The following BEST3 variants were observed in gnomAD, a reference collection of about 807,000 sequenced individuals.
BEST3 encodes bestrophin 3.
BEST3 carries 50 observed loss-of-function variants against 47.1 expected under a neutral mutation model. The ratio of observed to expected loss-of-function variants is 1.06; its 90% CI spans 0.85 to 1.34. BEST3 has a LOEUF of 1.34. Ranked by LOEUF, BEST3 falls within the 40% of genes most tolerant of loss-of-function variation. The probability of loss-of-function intolerance (pLI) is 0.00; values close to 1 mark genes in which losing one functional copy is unlikely to be tolerated. For missense variants in BEST3, 765 were observed against 817.0 expected (o/e 0.94, Z 0.78); for synonymous variants, 282 against 298.8 (o/e 0.94, Z 0.58).
downstream of BEST3, among the ~76,000 whole-genome samples, chr12:69,648,657 A>T (rs1234659342): frequency 1.3e-5 from 2 of 152,114 alleles, no homozygotes; most frequent in East Asian, 3.9e-4. Context: ...GGAATGCCTG[A>T]CACTCAATAG....
Position 69,659,586 on chromosome 12 carries a change from C to T in BEST3, c.1101-3773G>A, listed in dbSNP as rs189822506. 9.9e-5 allele frequency among the ~76,000 whole-genome samples: 15 copies of T among 152,266 alleles called. No individual in the cohort carries two copies. In the East Asian group the frequency reaches 2.7e-3, roughly 27 times the overall value. On this transcript the variant is annotated intron_variant, in intron 9 of 9. Transcript: ENST00000330891. ...CAGGCTGGTCTTGAACTCCTGGCCT[C>T]AAGTGGTCCTCCTGTCTTGGCTTCC...
chr12:69,678,574 C>T (rs1188536809), intron 5 of BEST3, among the ~76,000 whole-genome samples, 165 bp downstream of exon 5: 1 of 152,216 alleles, frequency 6.6e-6, no homozygotes, highest in South Asian at 2.1e-4. Flanking sequence ...AACCTGTGTA[C>T]CACCTCTGTC....
chr12:69,683,954 C>T (rs1885404248), intron 4 of BEST3: 1 of 152,206 alleles, frequency 6.6e-6, no homozygotes, highest in African/African-American at 2.4e-5. Flanking sequence ...CTCATCAGGA[C>T]TTCAAGCCAT....
intron 9 of BEST3, among the ~76,000 whole-genome samples, chr12:69,644,746 T>A (rs1380832000): frequency 6.6e-6 from 1 of 152,214 alleles, no homozygotes; most frequent in Non-Finnish European, 1.5e-5. Flanking sequence ...AGCATTGGGT[T>A]TTGATTATGA....
At chr12:69,652,967 A>G (rs975801553), downstream of BEST3, among the ~76,000 whole-genome samples, 1 of 152,204 alleles carries the variant, frequency 6.6e-6, no homozygotes, top group African/African-American at 2.4e-5. Flanking sequence ...ACCAACCAAC[A>G]TAGAGAACCA....
rs1593158509 is a variant in BEST3 at position 69,671,421 on chromosome 12, C to T, written c.1100+7G>A. 1 of 1,605,806 alleles carries T rather than the reference C, an allele frequency of 6.2e-7. No homozygotes were observed. The highest frequency in any genetic ancestry group is 8.5e-7 in the Non-Finnish European group (1 of 1,175,688). On this transcript the variant is annotated splice_region_variant and intron_variant, in intron 9 of 9. Transcript: ENST00000330891. ...AAATATTAGAGATTTTTTAAAAATG[C>T]ACTTACCCCATCTGGACTGTTGACC...
At chr12:69,678,260 A>G (rs1252735564) in intron 5 of BEST3, among the ~76,000 whole-genome samples, 1 of 152,060 alleles carries the variant, frequency 6.6e-6, no homozygotes, top group Non-Finnish European at 1.5e-5. Context: ...AGATGATTTC[A>G]GGGTTATTTT....
chr12:69,659,582 G>A (rs979215394), intron 9 of BEST3, among the ~76,000 whole-genome samples: 5 of 152,060 alleles, frequency 3.3e-5, no homozygotes, highest in Non-Finnish European at 5.9e-5. Flanking sequence ...TGAACTCCTG[G>A]CCTCAAGTGG....
chr12:69,656,367 C>T (rs955227786), intron 9 of BEST3, among the ~76,000 whole-genome samples: 4 of 57,690 alleles, frequency 6.9e-5, no homozygotes, highest in African/African-American at 1.4e-4. Context: ...ATCTATGAAT[C>T]TATCTGTCTG....
At chr12:69,668,316 T>A (rs550480028) in intron 9 of BEST3, among the ~76,000 whole-genome samples, 34 of 152,272 alleles carry the variant, frequency 2.2e-4, no homozygotes, top group South Asian at 6.2e-4. Flanking sequence ...TAAGAAAATT[T>A]AAAAAAATCT....
chr12:69,682,023 A>C (rs952864200), intron 4 of BEST3, among the ~76,000 whole-genome samples: 13 of 142,732 alleles, frequency 9.1e-5, no homozygotes, highest in Non-Finnish European at 1.7e-4. Flanking sequence ...CAGAGGTTGC[A>C]GTGAGCCGAG....
In BEST3 at chr12:69,658,455, T is replaced by C. The variant is rs74377273; in HGVS notation, c.1101-2642A>G. ...ATGTTGGACTGATTCATAACTGACA[T>C]TGGGTAGGTCTGCCAAGAAGACCCT... On this transcript the variant is annotated intron_variant, in intron 9 of 9. Coordinates refer to ENST00000330891, the MANE Select transcript of BEST3 (RefSeq NM_032735.3). Among the ~76,000 whole-genome samples, 385 of 152,230 alleles carry C rather than the reference T, an allele frequency of 2.5e-3. 2 individuals carry two copies. The highest frequency in any genetic ancestry group is 9.1e-3 in the African/African-American group (377 of 41,538).
intron 4 of BEST3, among the ~76,000 whole-genome samples, chr12:69,679,796 G>A (rs906222198): frequency 1.3e-5 from 2 of 152,200 alleles, no homozygotes; most frequent in African/African-American, 2.4e-5. Context: ...AGGAAGCGGA[G>A]GTTGCAGTGA....
intron 9 of BEST3, among the ~76,000 whole-genome samples, chr12:69,666,623 G>A (rs1400749773): frequency 6.6e-6 from 1 of 151,894 alleles, no homozygotes; most frequent in African/African-American, 2.4e-5. Context: ...TCTACCCTTC[G>A]TATTCTGCTC....
At chr12:69,680,308 A>ATCTTCT (rs751686797) in intron 4 of BEST3, among the ~76,000 whole-genome samples, 93 of 3,276 alleles carry the variant, frequency 0.028, 4 homozygotes, top group Admixed American at 0.12. Flanking sequence ...TTTACACTTG[A>ATCTTCT]TCTTTTTTTT....
At chr12:69,690,769 CTATTTG>C in intron 4 of BEST3, among the ~76,000 whole-genome samples, 1 of 152,156 alleles carries the variant, frequency 6.6e-6, no homozygotes, top group Admixed American at 6.5e-5. Flanking sequence ...AATTCTTAAT[CTATTTG>C]TTCCTGGAGA....
chr12:69,680,387 C>A (rs371550912), intron 4 of BEST3, among the ~76,000 whole-genome samples: 2 of 146,332 alleles, frequency 1.4e-5, no homozygotes, highest in East Asian at 4.0e-4. Context: ...CAGCTCACTG[C>A]AAGCTCTGCC....
chr12:69,672,841 GATTT>G (rs1190201111), intron 8 of BEST3, 40 bp downstream of exon 8: 2 of 1,393,896 alleles, frequency 1.4e-6, no homozygotes, highest in African/African-American at 1.4e-5. Flanking sequence ...TATCGCAAGT[GATTT>G]ATTATTAACA....
chr12:69,684,988 T>TCTATTCTATCCTATC (rs1885484502), intron 4 of BEST3, among the ~76,000 whole-genome samples: 1 of 141,242 alleles, frequency 7.1e-6, no homozygotes, highest in African/African-American at 2.8e-5. Context: ...GCTGTTCTAT[T>TCTATTCTATCCTATC]CTATTCTATT....
Sources: gnomAD v4.1 joint callset for allele counts (sites outside exome capture counted in the v4.1 genomes callset) on GRCh38, gnomAD v4.1.1 for gene constraint, MANE v1.5 for transcripts, NCBI Gene and HGNC (gene_info 2026-07-23, HGNC 2026-07-21) for gene names.